ABI3BP: variants seen among roughly 807,000 people sequenced by gnomAD.
The protein encoded by ABI3BP is target of Nesh-SH3.
ABI3BP carries 216 observed loss-of-function variants against 268.6 expected under a neutral mutation model. That is an observed-to-expected ratio of 0.80 (90% confidence interval 0.72 to 0.90). The LOEUF is 0.90. Among genes scored for constraint, ABI3BP ranks in the 40% least tolerant of loss-of-function variants. ABI3BP has a pLI of 0.00. For synonymous variants in ABI3BP, 730 were observed against 730.0 expected (o/e 1.00, Z 0.00); for missense variants, 2,090 against 2,182.4 (o/e 0.96, Z 0.84).
intron 17 of ABI3BP, 87 bp downstream of exon 17, chr3:100,849,958 A>G: frequency 1.6e-6 from 2 of 1,227,090 alleles, no homozygotes; most frequent in Non-Finnish European, 2.3e-6. Flanking sequence ...AAACAAAAGA[A>G]AAACAAAATT....
chr3:100,805,034 GGTTA>G (rs1048444445), intron 50 of ABI3BP, among the ~76,000 whole-genome samples, 168 bp from the exon 51 acceptor site: 2 of 152,178 alleles, frequency 1.3e-5, no homozygotes, highest in South Asian at 2.1e-4. Flanking sequence ...TCTAGAAATA[GGTTA>G]GTTAGAATTC....
Position 100,917,526 on chromosome 3 carries a change from G to A in ABI3BP, c.259+8776C>T, listed in dbSNP as rs2058982137. Among the ~76,000 whole-genome samples the A allele has an allele frequency of 4.0e-5, 6 of 151,882 alleles. No individual in the cohort carries two copies. The South Asian group carries it at 1.2e-3, about 31-fold the overall frequency. On this transcript the variant is annotated intron_variant, in intron 2 of 67. Transcript: ENST00000471714. ...CTTTAATATCCTTTTACTGGCAGCT[G>A]TCTTTCCACTTAAGACCCCTTCTCC...
chr3:100,810,383 A>C (rs757809554), intron 49 of ABI3BP, 29 bp downstream of exon 49: 1 of 1,507,698 alleles, frequency 6.6e-7, no homozygotes, highest in South Asian at 1.2e-5. Context: ...CACTCACCTC[A>C]TATATGACAT....
At chr3:100,754,041 G>GT (rs938406528) in intron 64 of ABI3BP, among the ~76,000 whole-genome samples, 193 bp from the exon 65 acceptor site, 5 of 152,186 alleles carry the variant, frequency 3.3e-5, no homozygotes, top group Admixed American at 2.6e-4. Context: ...CTCCTGCCTG[G>GT]TAGGTATTCA....
At chr3:100,947,559 G>T (rs1335558718) in intron 1 of ABI3BP, among the ~76,000 whole-genome samples, 2 of 152,144 alleles carry the variant, frequency 1.3e-5, no homozygotes, top group African/African-American at 4.8e-5. Flanking sequence ...TGGAAGTGAA[G>T]AGATGTGATT....
chr3:100,860,645 A>G (rs1452548764), intron 14 of ABI3BP, among the ~76,000 whole-genome samples: 2 of 152,186 alleles, frequency 1.3e-5, no homozygotes, highest in African/African-American at 4.8e-5. Flanking sequence ...GCCTTCATAT[A>G]TAATTCATAT....
chr3:100,880,863 G>A (rs2099222120), intron 6 of ABI3BP, among the ~76,000 whole-genome samples: 2 of 152,018 alleles, frequency 1.3e-5, no homozygotes, highest in African/African-American at 2.4e-5. Context: ...TGACATTTTT[G>A]TGGCATCAGA....
chr3:100,977,746 A>G (rs1246444531), intron 1 of ABI3BP, among the ~76,000 whole-genome samples: 1 of 152,216 alleles, frequency 6.6e-6, no homozygotes, highest in Non-Finnish European at 1.5e-5. Context: ...CAAGGGGACT[A>G]TATAAGAGCA....
chr3:100,876,608 TTC>T (rs1561159841), intron 6 of ABI3BP, 48 bp from the exon 7 acceptor site: 1 of 1,550,716 alleles, frequency 6.4e-7, no homozygotes, highest in Non-Finnish European at 8.9e-7. Context: ...GTGAATAACT[TTC>T]TGTTCTTTAA....
chr3:100,826,893 C>T (rs1000391711), intron 34 of ABI3BP, among the ~76,000 whole-genome samples: 2 of 152,108 alleles, frequency 1.3e-5, no homozygotes, highest in South Asian at 2.1e-4. Flanking sequence ...TCAAGCCCTC[C>T]GTCCACTTTC....
At chr3:100,975,828 A>T (rs753103877) in intron 1 of ABI3BP, among the ~76,000 whole-genome samples, 4 of 152,138 alleles carry the variant, frequency 2.6e-5, no homozygotes, top group African/African-American at 9.6e-5. Flanking sequence ...CCTGAAATAT[A>T]AAAAAACCCT....
intron 27 of ABI3BP, among the ~76,000 whole-genome samples, chr3:100,836,805 T>C (rs920006773): frequency 6.6e-6 from 1 of 152,126 alleles, no homozygotes; most frequent in Admixed American, 6.6e-5. Context: ...CATCCATAAA[T>C]TGTACCCACA....
intron 49 of ABI3BP, among the ~76,000 whole-genome samples, chr3:100,809,274 T>C (rs2097788440): frequency 6.6e-6 from 1 of 152,008 alleles, no homozygotes; most frequent in Non-Finnish European, 1.5e-5. Flanking sequence ...AAAGAACCCT[T>C]CCAATCTTAA....
At chr3:100,942,914 A>G (rs1458666432) in intron 1 of ABI3BP, among the ~76,000 whole-genome samples, 1 of 152,144 alleles carries the variant, frequency 6.6e-6, no homozygotes, top group Non-Finnish European at 1.5e-5. Flanking sequence ...CAGATATTCA[A>G]CACAGTATGG....
chr3:100,879,452 A>G (rs544553319), intron 6 of ABI3BP, among the ~76,000 whole-genome samples: 1 of 152,368 alleles, frequency 6.6e-6, no homozygotes, highest in East Asian at 1.9e-4. Flanking sequence ...AAGTCTTTCC[A>G]AGATACTTAA....
chr3:100,932,825 A>C (rs1178554479), intron 1 of ABI3BP, among the ~76,000 whole-genome samples: 1 of 152,128 alleles, frequency 6.6e-6, no homozygotes. Context: ...ACTGTCATTC[A>C]ACCCAGCAAT....
At chr3:100,758,109 CAA>C (rs202096775) in intron 63 of ABI3BP, among the ~76,000 whole-genome samples, 2 of 146,312 alleles carry the variant, frequency 1.4e-5, no homozygotes, top group African/African-American at 5.0e-5. Context: ...AACAAACAAA[CAA>C]AAAAAAAACA....
chr3:100,757,111 G>A (rs1008044318), intron 63 of ABI3BP, among the ~76,000 whole-genome samples: 19 of 151,678 alleles, frequency 1.3e-4, no homozygotes, highest in Admixed American at 6.6e-5. Context: ...ACAAATACTA[G>A]AACAAAAAGT....
intron 1 of ABI3BP, among the ~76,000 whole-genome samples, chr3:100,950,692 T>C (rs751256445): frequency 6.6e-6 from 1 of 152,028 alleles, no homozygotes; most frequent in Non-Finnish European, 1.5e-5. Context: ...TTTCATCTAC[T>C]CTCTTTTAAA....
Sources: gnomAD v4.1 joint callset for allele counts (sites outside exome capture counted in the v4.1 genomes callset) on GRCh38, gnomAD v4.1.1 for gene constraint, MANE v1.5 for transcripts, NCBI Gene and HGNC (gene_info 2026-07-23, HGNC 2026-07-21) for gene names.